SMN2: variants seen among roughly 807,000 people sequenced by gnomAD.
SMN2 encodes survival motor neuron protein.
SMN2 carries 1 observed loss-of-function variant against 2.8 expected under a neutral mutation model. The observed-to-expected ratio is 0.35, with a 90% CI of 0.13 to 1.68. The LOEUF (loss-of-function observed/expected upper bound fraction) is 1.68. SMN2 is among the 40% of genes most tolerant of loss of function. The pLI, the probability that SMN2 is intolerant of heterozygous loss-of-function variation, is 0.35. For missense variants in SMN2, 12 were observed against 16.9 expected (o/e 0.71, Z 0.51); for synonymous variants, 5 against 5.0 (o/e 0.99, Z 0.01).
At position 70,074,478 on chromosome 5, in the gene SMN2, T is replaced by TA. The variant is rs1256921303; in HGVS notation, c.835-2035dup. ...CAACATGGAGAAACCCCGTCTCTAC[T>TA]AAAAAAAATACAAAATTAGGCGGGC... On this transcript the variant is annotated intron_variant, in intron 7 of 8. Coordinates refer to ENST00000380743, the MANE Select transcript of SMN2 (RefSeq NM_017411.4). 8.4e-5 allele frequency among the ~76,000 whole-genome samples: 6 copies of TA among 71,102 alleles called. 1 individual carries two copies. In the East Asian group the frequency reaches 1.5e-3, roughly 18 times the overall value. The allele number at this position is 71,102 out of a possible 152,430, so 46.6% of individuals were successfully genotyped here.
At chr5:70,083,367 C>G (rs1442975779), downstream of SMN2, among the ~76,000 whole-genome samples, 64 of 136,542 alleles carry the variant, frequency 4.7e-4, 5 homozygotes, top group Admixed American at 4.4e-4. Context: ...CTGTAAACTG[C>G]TTCAACCACT....
chr5:70,076,831 T>C (rs558936076), intron 8 of SMN2, 188 bp from the exon 9 acceptor site: 3 of 1,289,410 alleles, frequency 2.3e-6, no homozygotes, highest in East Asian at 5.5e-5. Flanking sequence ...CTTTAGGATA[T>C]GATGCCATTT....
At chr5:70,080,813 G>T (rs200683511), downstream of SMN2, among the ~76,000 whole-genome samples, 225 of 112,710 alleles carry the variant, frequency 2.0e-3, 2 homozygotes, top group African/African-American at 3.6e-3. Context: ...CTCCCATTTT[G>T]TAGGTTGCCT....
chr5:70,082,124 G>C (rs1168096234), downstream of SMN2, among the ~76,000 whole-genome samples: 7 of 132,564 alleles, frequency 5.3e-5, 1 homozygote, highest in Non-Finnish European at 1.1e-4. Flanking sequence ...AGATAATCAT[G>C]TGGTTTTTGT....
At chr5:70,076,483 A>G in intron 7 of SMN2, 38 bp from the exon 8 acceptor site, 12 of 1,312,416 alleles carry the variant, frequency 9.1e-6, no homozygotes, top group Non-Finnish European at 1.3e-5. Context: ...CTATATCTAT[A>G]TAGCTATTTT....
At chr5:70,081,011 C>CTTTA (rs1281982070), downstream of SMN2, among the ~76,000 whole-genome samples, 1 of 94,866 alleles carries the variant, frequency 1.1e-5, no homozygotes, top group Non-Finnish European at 2.0e-5. Flanking sequence ...ACATTTAAGT[C>CTTTA]TTTAATCCAT....
At chr5:70,081,233 G>A (rs1312643057), downstream of SMN2, among the ~76,000 whole-genome samples, 2 of 113,582 alleles carry the variant, frequency 1.8e-5, no homozygotes, top group Admixed American at 9.3e-5. Flanking sequence ...CTCTGTTTTG[G>A]TACCAGTACC....
chr5:70,084,600 C>G, the SMN2 span, among the ~76,000 whole-genome samples: 1 of 137,182 alleles, frequency 7.3e-6, no homozygotes, highest in Non-Finnish European at 1.5e-5. Flanking sequence ...AATAATTTAT[C>G]AAACCTTTGA....
downstream of SMN2, among the ~76,000 whole-genome samples, chr5:70,082,463 G>A (rs1231063988): frequency 7.0e-6 from 1 of 142,024 alleles, no homozygotes. Flanking sequence ...TGTACCTCTG[G>A]TAGAATTCGG....
In SMN2 at chr5:70,076,562, C is replaced by T. The variant is rs541491592; in HGVS notation, c.876C>T (p.Ser292=). ...AAAAAGAAGGAAGGTGCTCACATTC[C>T]TTAAATTAAGGAGTAAGTCTGCCAG... The part of the protein sequence containing the change: ...QNQKEGRCSH[S]LN The change falls in exon 8 of 9, where the codon TCC becomes TCT. Residue 292 remains serine (S), a synonymous_variant. Coordinates refer to ENST00000380743, the MANE Select transcript of SMN2 (RefSeq NM_017411.4). 2.2e-5 allele frequency: 32 copies of T among 1,463,074 alleles called. 5 individuals are homozygous for T. In the South Asian group the frequency reaches 3.7e-4, roughly 17 times the overall value. The allele number at this position is 1,463,074 out of a possible 1,614,324, so 90.6% of individuals were successfully genotyped here.
downstream of SMN2, among the ~76,000 whole-genome samples, chr5:70,080,122 C>G (rs1355247588): frequency 8.9e-6 from 1 of 112,476 alleles, no homozygotes; most frequent in Non-Finnish European, 1.8e-5. Flanking sequence ...GTCGGTAGTT[C>G]GAGACCAGCC....
At chr5:70,083,308 G>T (rs1274996642), downstream of SMN2, among the ~76,000 whole-genome samples, 10 of 128,914 alleles carry the variant, frequency 7.8e-5, 1 homozygote, top group African/African-American at 1.7e-4. Flanking sequence ...AATAGGTGTG[G>T]TGTGGTGCTG....
chr5:70,080,273 G>A (rs1372843789), downstream of SMN2, among the ~76,000 whole-genome samples: 1 of 136,538 alleles, frequency 7.3e-6, no homozygotes, highest in Non-Finnish European at 1.5e-5. Flanking sequence ...GGAGGTTGCA[G>A]TGAGCCAAGA....
chr5:70,052,542 TAA>T (rs1319920885), intron 1 of SMN2, among the ~76,000 whole-genome samples: 1 of 16,200 alleles, frequency 6.2e-5, no homozygotes, highest in African/African-American at 1.9e-4. Flanking sequence ...ACTTTGTCTT[TAA>T]AAAAAAAAAA....
chr5:70,083,502 C>T (rs1384523069), downstream of SMN2, among the ~76,000 whole-genome samples: 1 of 135,814 alleles, frequency 7.4e-6, no homozygotes, highest in Non-Finnish European at 1.5e-5. Flanking sequence ...CACATGCACA[C>T]GTATGTTTAT....
downstream of SMN2, among the ~76,000 whole-genome samples, chr5:70,079,584 C>A (rs1774826067): frequency 1.4e-5 from 2 of 139,040 alleles, 1 homozygote; most frequent in African/African-American, 5.9e-5. Flanking sequence ...CGCAAAACCC[C>A]TGACTCTACA....
At chr5:70,083,277 C>G (rs1247044324), downstream of SMN2, among the ~76,000 whole-genome samples, 1 of 120,098 alleles carries the variant, frequency 8.3e-6, no homozygotes, top group Non-Finnish European at 1.7e-5. Context: ...GCTTTACTTC[C>G]AACTATGTGG....
chr5:70,084,455 G>A, the SMN2 span, among the ~76,000 whole-genome samples: 2 of 133,268 alleles, frequency 1.5e-5, 1 homozygote, highest in Non-Finnish European at 3.1e-5. Context: ...CCAAAGTGCT[G>A]GGATTACAGG....
At chr5:70,074,887 G>A in intron 7 of SMN2, among the ~76,000 whole-genome samples, 1 of 123,624 alleles carries the variant, frequency 8.1e-6, no homozygotes, top group Admixed American at 8.3e-5. Flanking sequence ...AGCTACTTGG[G>A]AGGCTGAGGC....
Sources: gnomAD v4.1 joint callset for allele counts (sites outside exome capture counted in the v4.1 genomes callset) on GRCh38, gnomAD v4.1.1 for gene constraint, MANE v1.5 for transcripts, NCBI Gene and HGNC (gene_info 2026-07-23, HGNC 2026-07-21) for gene names.